RIN2: variants seen among roughly 807,000 people sequenced by gnomAD.
RIN2 encodes the protein RAB5 interacting protein 2.
RIN2 carries 36 observed loss-of-function variants against 78.0 expected under a neutral mutation model. The observed-to-expected ratio is 0.46, with a 90% CI of 0.35 to 0.61. The LOEUF (loss-of-function observed/expected upper bound fraction) is 0.61, where lower values mean the gene tolerates loss of function less well. Among genes scored for constraint, RIN2 ranks in the 20% least tolerant of loss-of-function variants. The probability of loss-of-function intolerance (pLI) is 0.00; values close to 1 mark genes in which losing one functional copy is unlikely to be tolerated. For missense variants in RIN2, 1,087 were observed against 1,159.7 expected, an observed-to-expected ratio of 0.94 and a Z score of 0.91; for synonymous variants, 466 against 466.8, an observed-to-expected ratio of 1.00 and a Z score of 0.02.
chr20:19,804,582 C>T (rs2035346230), intron 2 of RIN2, among the ~76,000 whole-genome samples: 1 of 152,168 alleles, frequency 6.6e-6, no homozygotes. Flanking sequence ...TTTTGATGTG[C>T]TGCTGGATTT....
chr20:19,811,389 G>T (rs1052428839), intron 2 of RIN2, among the ~76,000 whole-genome samples: 1 of 152,152 alleles, frequency 6.6e-6, no homozygotes, highest in Non-Finnish European at 1.5e-5. Context: ...GGTGAGGACT[G>T]CTCCAAAAGG....
intron 3 of RIN2, among the ~76,000 whole-genome samples, chr20:19,908,925 C>T (rs2039343443): frequency 6.6e-6 from 1 of 152,164 alleles, no homozygotes; most frequent in African/African-American, 2.4e-5. Flanking sequence ...AGTGCAATGG[C>T]CTGATCTCAG....
chr20:19,898,222 T>C (rs1233313556), intron 3 of RIN2, among the ~76,000 whole-genome samples: 1 of 152,254 alleles, frequency 6.6e-6, no homozygotes, highest in Non-Finnish European at 1.5e-5. Context: ...TTTCTGATGC[T>C]AACAGCATGT....
intron 1 of RIN2, among the ~76,000 whole-genome samples, chr20:19,770,186 G>T (rs2034058144): frequency 6.6e-6 from 1 of 152,152 alleles, no homozygotes; most frequent in Non-Finnish European, 1.5e-5. Flanking sequence ...ATTTCACAAG[G>T]ATTATGATGC....
At chr20:19,801,396 C>G (rs896200686) in intron 2 of RIN2, among the ~76,000 whole-genome samples, 2 of 151,818 alleles carry the variant, frequency 1.3e-5, no homozygotes, top group Non-Finnish European at 2.9e-5. Flanking sequence ...TGTCGGCTCA[C>G]TGCAATCTCT....
intron 4 of RIN2, 23 bp downstream of exon 4, chr20:19,935,222 G>A (rs1311315926): frequency 1.3e-5 from 21 of 1,567,000 alleles, no homozygotes; most frequent in Non-Finnish European, 1.7e-5. Flanking sequence ...ACGGTTAGGT[G>A]ATGGGTGCGA....
At chr20:19,848,426 C>T (rs2036852546) in intron 2 of RIN2, among the ~76,000 whole-genome samples, 1 of 150,246 alleles carries the variant, frequency 6.7e-6, no homozygotes, top group African/African-American at 2.5e-5. Context: ...ATCCCAGCTA[C>T]TTGGGAGGCT....
At chr20:19,920,905 T>C in intron 3 of RIN2, among the ~76,000 whole-genome samples, 1 of 152,206 alleles carries the variant, frequency 6.6e-6, no homozygotes, top group Non-Finnish European at 1.5e-5. Flanking sequence ...ACTCCTGACC[T>C]CAAGTGATCC....
At chr20:19,900,945 C>CAAAAAA (rs869239642) in intron 3 of RIN2, among the ~76,000 whole-genome samples, 8 of 29,592 alleles carry the variant, frequency 2.7e-4, no homozygotes, top group Non-Finnish European at 5.0e-4. Context: ...AGCTCTGTCT[C>CAAAAAA]AAAAAAAAAA....
At chr20:19,772,502 G>C (rs969167578) in intron 1 of RIN2, among the ~76,000 whole-genome samples, 1 of 152,168 alleles carries the variant, frequency 6.6e-6, no homozygotes, top group Admixed American at 6.5e-5. Flanking sequence ...GCAGGGCCCT[G>C]TGTGACTGAA....
intron 1 of RIN2, among the ~76,000 whole-genome samples, chr20:19,765,728 CT>C (rs1322611187): frequency 7.8e-6 from 1 of 128,902 alleles, no homozygotes; most frequent in Non-Finnish European, 1.6e-5. Flanking sequence ...AGGCTCTTGT[CT>C]TTTTAGAAAA....
At chr20:19,972,872 T>G (rs1254695644) in intron 8 of RIN2, among the ~76,000 whole-genome samples, 1 of 152,242 alleles carries the variant, frequency 6.6e-6, no homozygotes. Context: ...TGAAACTGTC[T>G]AGTAGCCACA....
In RIN2 at chr20:19,920,532, T is replaced by G. The variant is rs76807923; in HGVS notation, c.58-14567T>G. On this transcript the variant is annotated intron_variant, in intron 3 of 12. Coordinates refer to ENST00000255006, the MANE Select transcript of RIN2 (RefSeq NM_018993.4). Reference sequence around the variant, plus strand: ...TGTTTCAAGATACAGCCACACACGCTGCTTCCGTAGTTCACACATTGAACT... The same window carrying G: ...TGTTTCAAGATACAGCCACACACGCGGCTTCCGTAGTTCACACATTGAACT... 8.4e-3 allele frequency among the ~76,000 whole-genome samples: 1,279 copies of G among 152,342 alleles called. 55 individuals are homozygous for G. The South Asian group carries it at 0.11, about 13-fold the overall frequency.
chr20:19,982,559 G>A (rs1220495857), intron 9 of RIN2, among the ~76,000 whole-genome samples: 1 of 152,214 alleles, frequency 6.6e-6, no homozygotes, highest in Non-Finnish European at 1.5e-5. Context: ...GGCTCAGGCA[G>A]GTTTGAAGCC....
At chr20:19,832,793 A>G (rs2036288651) in intron 2 of RIN2, among the ~76,000 whole-genome samples, 1 of 152,150 alleles carries the variant, frequency 6.6e-6, no homozygotes. Context: ...CTCATGCAGC[A>G]GAAGGGACAG....
intron 9 of RIN2, among the ~76,000 whole-genome samples, chr20:19,978,922 A>G (rs950139989): frequency 1.3e-5 from 2 of 152,224 alleles, no homozygotes; most frequent in Non-Finnish European, 2.9e-5. Context: ...TGCTGCGCTC[A>G]TTACTGATGA....
chr20:19,903,677 G>A (rs1356606469), intron 3 of RIN2, among the ~76,000 whole-genome samples: 1 of 152,144 alleles, frequency 6.6e-6, no homozygotes, highest in Non-Finnish European at 1.5e-5. Flanking sequence ...CAGCCCCCAC[G>A]ACAAAGAATT....
At chr20:19,965,973 T>C (rs1425964424) in intron 7 of RIN2, among the ~76,000 whole-genome samples, 1 of 152,176 alleles carries the variant, frequency 6.6e-6, no homozygotes, top group African/African-American at 2.4e-5. Context: ...TCTTTCTTTC[T>C]TTTTTTCCAT....
intron 2 of RIN2, among the ~76,000 whole-genome samples, chr20:19,860,599 A>C (rs1278760637): frequency 6.6e-6 from 1 of 152,170 alleles, no homozygotes; most frequent in African/African-American, 2.4e-5. Flanking sequence ...CTGGGATTAC[A>C]GGCATGAGCC....
Sources: allele counts gnomAD v4.1 joint callset (sites outside exome capture counted in the v4.1 genomes callset), GRCh38; gene constraint gnomAD v4.1.1; transcripts MANE v1.5; gene names NCBI Gene and HGNC (gene_info 2026-07-23, HGNC 2026-07-21).